The following COL11A1 variants were observed in gnomAD, a reference collection of about 807,000 sequenced individuals.
COL11A1 encodes collagen alpha-1(XI) chain.
COL11A1 carries 74 observed loss-of-function variants against 265.2 expected under a neutral mutation model. The observed-to-expected ratio is 0.28, with a 90% CI of 0.23 to 0.34. The LOEUF is 0.34. Ranked by LOEUF, COL11A1 falls within the 10% of genes least tolerant of loss-of-function variation. The pLI, the probability that COL11A1 is intolerant of heterozygous loss-of-function variation, is 1.00. For synonymous variants in COL11A1, 816 were observed against 727.6 expected, an observed-to-expected ratio of 1.12 and a Z score of -1.96; for missense variants, 2,165 against 2,263.6, an observed-to-expected ratio of 0.96 and a Z score of 0.88.
chr1:103,065,571 AAC>A (rs1396938146), intron 4 of COL11A1, among the ~76,000 whole-genome samples: 9 of 67,204 alleles, frequency 1.3e-4, no homozygotes, highest in African/African-American at 4.3e-4. Flanking sequence ...CAAACAAACA[AAC>A]AAAAAAAATA....
chr1:102,996,034 A>G lies in COL11A1; in HGVS notation c.2250T>C (p.Pro750=), dbSNP rs1664592427. The G allele has an allele frequency of 1.2e-6, 2 of 1,613,298 alleles. No individual in the cohort carries two copies. Among genetic ancestry groups the G allele is most frequent in the Non-Finnish European group, 1.7e-6 (2 of 1,179,486 alleles). The change falls in exon 27 of 67, where the codon CCT becomes CCC. Residue 750 remains proline, a synonymous_variant. Transcript: ENST00000370096. The part of the protein sequence containing the change: ...QSGEKGALGP[P]GPQGPIGYPG... The stretch of plus-strand genomic sequence containing the variant: ...GGTATCCAATAGGACCTTGTGGACC[A>G]GGGGGACCCTGAAATAGATGAATTA...
chr1:102,877,727 T>G lies in COL11A1; in HGVS notation c.*292A>C, dbSNP rs1649665789. On this transcript the variant is annotated 3_prime_UTR_variant, in exon 67 of 67. Coordinates refer to ENST00000370096, the MANE Select transcript of COL11A1 (RefSeq NM_001854.4). ...TTTTATGAATATATATTTTTCTTTT[T>G]TTGTTTTCTACAGCACCAAAGAAAT... 3.1e-6 allele frequency: 1 copy of G among 327,788 alleles called. No individual in the cohort carries two copies. The highest frequency in any genetic ancestry group is 3.6e-5 in the South Asian group (1 of 27,610). 20.3% of individuals were successfully genotyped at this position (327,788 alleles called of 1,614,324 possible).
intron 54 of COL11A1, among the ~76,000 whole-genome samples, chr1:102,904,528 GA>G (rs1323966626): frequency 7.3e-6 from 1 of 137,640 alleles, no homozygotes; most frequent in South Asian, 2.4e-4. Context: ...AAATTTACAA[GA>G]AAAAAACAAA....
intron 42 of COL11A1, among the ~76,000 whole-genome samples, chr1:102,944,021 A>C (rs1659011338): frequency 6.6e-6 from 1 of 152,060 alleles, no homozygotes; most frequent in African/African-American, 2.4e-5. Context: ...AGAGTTTCTA[A>C]TCTAACTGAT....
intron 53 of COL11A1, 34 bp from the exon 54 acceptor site, chr1:102,912,246 T>C (rs1023736959): frequency 2.6e-6 from 4 of 1,559,292 alleles, no homozygotes; most frequent in African/African-American, 2.7e-5. Flanking sequence ...TTAACAAAAT[T>C]GGATATTATT....
chr1:102,914,531 C>T, intron 51 of COL11A1, 126 bp from the exon 52 acceptor site: 2 of 1,066,038 alleles, frequency 1.9e-6, no homozygotes, highest in South Asian at 2.9e-5. Flanking sequence ...CTTCTCCCGC[C>T]AAAAAATTTC....
At chr1:102,952,160 G>A (rs762941936) in intron 41 of COL11A1, among the ~76,000 whole-genome samples, 1 of 151,996 alleles carries the variant, frequency 6.6e-6, no homozygotes, top group Non-Finnish European at 1.5e-5. Context: ...GTGCAGTGGT[G>A]CGATCTTGGC....
intron 54 of COL11A1, among the ~76,000 whole-genome samples, chr1:102,901,203 C>G (rs571298407): frequency 6.6e-6 from 1 of 151,950 alleles, no homozygotes; most frequent in African/African-American, 2.4e-5. Context: ...ACCTGTAATC[C>G]CAGCTACTCG....
chr1:103,054,451 G>C (rs532028791), intron 4 of COL11A1, among the ~76,000 whole-genome samples: 2 of 152,068 alleles, frequency 1.3e-5, no homozygotes, highest in South Asian at 4.2e-4. Flanking sequence ...AGGTATTGAA[G>C]GCTTCTTTAA....
At chr1:103,001,417 G>T in intron 24 of COL11A1, 3 of 403,406 alleles carry the variant, frequency 7.4e-6, no homozygotes, top group Admixed American at 4.2e-5. Context: ...TCTCACAGTG[G>T]AGATCAGGGA....
chr1:103,061,150 TTAGAGA>T (rs1350711918), intron 4 of COL11A1, among the ~76,000 whole-genome samples: 1 of 152,054 alleles, frequency 6.6e-6, no homozygotes, highest in Non-Finnish European at 1.5e-5. Flanking sequence ...GGGAAAATTA[TTAGAGA>T]TAAAGTGAGG....
At chr1:102,961,569 G>A (rs992593659) in intron 41 of COL11A1, among the ~76,000 whole-genome samples, 1 of 152,128 alleles carries the variant, frequency 6.6e-6, no homozygotes, top group Admixed American at 6.6e-5. Flanking sequence ...CAGGCATTCC[G>A]TGACTATGAG....
chr1:103,054,452 G>C (rs557705001), intron 4 of COL11A1, among the ~76,000 whole-genome samples: 20 of 152,116 alleles, frequency 1.3e-4, no homozygotes, highest in Non-Finnish European at 1.5e-4. Flanking sequence ...GGTATTGAAG[G>C]CTTCTTTAAA....
At chr1:102,925,645 C>A (rs1387614084) in intron 46 of COL11A1, among the ~76,000 whole-genome samples, 1 of 151,964 alleles carries the variant, frequency 6.6e-6, no homozygotes, top group Non-Finnish European at 1.5e-5. Flanking sequence ...GGTAGTATTT[C>A]TCAGATCTTA....
At chr1:103,012,711 C>T (rs1295256466) in intron 13 of COL11A1, among the ~76,000 whole-genome samples, 1 of 152,040 alleles carries the variant, frequency 6.6e-6, no homozygotes, top group Non-Finnish European at 1.5e-5. Flanking sequence ...ATTGCTATGA[C>T]TTAATCAAAA....
intron 62 of COL11A1, 116 bp from the exon 63 acceptor site, chr1:102,887,172 T>TGAAA: frequency 7.8e-7 from 1 of 1,284,642 alleles, no homozygotes; most frequent in Non-Finnish European, 1.1e-6. Flanking sequence ...AGCTTTTCAT[T>TGAAA]AGCTACAAAA....
At chr1:102,909,011 T>A (rs1030831666) in intron 54 of COL11A1, among the ~76,000 whole-genome samples, 2 of 152,180 alleles carry the variant, frequency 1.3e-5, no homozygotes, top group African/African-American at 4.8e-5. Flanking sequence ...TAATTTTGGA[T>A]GAAAAAATAA....
intron 6 of COL11A1, chr1:103,025,912 GCCACTGT>G (rs773069717): frequency 6.2e-7 from 1 of 1,612,380 alleles, no homozygotes; most frequent in East Asian, 2.2e-5. Flanking sequence ...TGATTTAGTA[GCCACTGT>G]CCTCATCTTC....
At chr1:103,022,717 G>T in intron 8 of COL11A1, 25 bp downstream of exon 8, 1 of 1,613,080 alleles carries the variant, frequency 6.2e-7, no homozygotes, top group Middle Eastern at 1.7e-4. Flanking sequence ...GACATACAAT[G>T]ACACAGTGCA....
Sources: gnomAD v4.1 joint callset for allele counts (sites outside exome capture counted in the v4.1 genomes callset) on GRCh38, gnomAD v4.1.1 for gene constraint, MANE v1.5 for transcripts, NCBI Gene and HGNC (gene_info 2026-07-23, HGNC 2026-07-21) for gene names.